RBSN: variants seen among roughly 807,000 people sequenced by gnomAD.
The protein encoded by RBSN is rabenosyn-5.
Under a neutral mutation model 60.5 loss-of-function variants are expected in RBSN, and 34 were observed. The ratio of observed to expected loss-of-function variants is 0.56; its 90% CI spans 0.43 to 0.75. The LOEUF is 0.75. RBSN is among the 30% of genes least tolerant of loss of function. The probability of loss-of-function intolerance (pLI) is 0.00; values close to 1 mark genes in which losing one functional copy is unlikely to be tolerated. For synonymous variants in RBSN, 322 were observed against 366.9 expected (o/e 0.88, Z 1.40); for missense variants, 845 against 986.8 (o/e 0.86, Z 1.92).
chr3:15,086,087 T>A, intron 5 of RBSN, 126 bp from the exon 6 acceptor site: 10 of 173,080 alleles, frequency 5.8e-5, no homozygotes, highest in East Asian at 9.5e-5. Flanking sequence ...ACCCCGTCTC[T>A]CTCCAAAAAA....
Position 15,077,093 on chromosome 3 carries a change from A to T in RBSN, c.1070T>A (p.Met357Lys). 1 of 1,614,172 alleles carries T rather than the reference A, an allele frequency of 6.2e-7. No individual in the cohort carries two copies. The highest frequency in any genetic ancestry group is 1.1e-5 in the South Asian group (1 of 91,082). ...PHPSNLRLQR[M>K]IRYSATLFVQ... ...AAAAAGTGTAGCTGAGTATCTGATC[A>T]TTCTCTGCAGCCGCAAATTGCTTGG... The change falls in exon 12 of 14, where the codon ATG (methionine) becomes AAG (lysine). Residue 357 changes from methionine to lysine, a missense_variant. Met to Lys is a moderately conservative substitution (Grantham distance 95). Transcript: ENST00000253699. This position sits in a 1 kb window ranked among gnomAD's most constrained non-coding sequence, Gnocchi z 4.4.
At chr3:15,083,869 C>T (rs140561249) in intron 8 of RBSN, among the ~76,000 whole-genome samples, 1 of 152,250 alleles carries the variant, frequency 6.6e-6, no homozygotes, top group Non-Finnish European at 1.5e-5. Context: ...GCAGAGCAGA[C>T]AAAGAGTTGG....
At chr3:15,086,757 G>C (rs1432435029) in intron 5 of RBSN, among the ~76,000 whole-genome samples, 2 of 152,070 alleles carry the variant, frequency 1.3e-5, no homozygotes, top group Non-Finnish European at 2.9e-5. Context: ...TCTCAAAATG[G>C]CCAAAAAAAT....
rs2043302424 is a variant in RBSN, at chr3:15,085,039, C to T, written c.397G>A (p.Ala133Thr). Residue 133 changes from alanine to threonine, a missense_variant, in exon 7 of 14, where the codon GCA becomes ACA. Ala to Thr is a moderately conservative substitution (Grantham distance 58). Coordinates refer to ENST00000253699, the MANE Select transcript of RBSN (RefSeq NM_022340.4). The part of the protein sequence containing the change: ...KLIIRLEKLT[A>T]FDRTNTESAK... The stretch of plus-strand genomic sequence containing the variant: ...GACTCAGTATTTGTTCTGTCAAATG[C>T]AGTGAGCTGACCGGAAGAAAATAGT... The T allele has an allele frequency of 6.2e-7, 1 of 1,614,216 alleles. No homozygotes were observed. The highest frequency in any genetic ancestry group is 8.5e-7 in the Non-Finnish European group (1 of 1,180,044).
intron 6 of RBSN, 140 bp downstream of exon 6, chr3:15,085,721 T>G (rs1026319372): frequency 1.4e-6 from 1 of 712,706 alleles, no homozygotes; most frequent in South Asian, 1.7e-5. Context: ...ACCATGTCCT[T>G]TGCACCTCTC....
chr3:15,088,901 T>C (rs1376804631), intron 5 of RBSN, among the ~76,000 whole-genome samples: 1 of 152,172 alleles, frequency 6.6e-6, no homozygotes, highest in Non-Finnish European at 1.5e-5. Flanking sequence ...AGGACTTTCC[T>C]TATTCAAAGA....
chr3:15,090,193 A>T (rs533773572), intron 5 of RBSN, among the ~76,000 whole-genome samples: 1 of 152,300 alleles, frequency 6.6e-6, no homozygotes, highest in South Asian at 2.1e-4. Context: ...GACCATGGGT[A>T]TAAGGCACTT....
In RBSN at chr3:15,095,485, G is replaced by A. The variant is rs765476671; in HGVS notation, c.148+488C>T. Among the ~76,000 whole-genome samples the A allele has an allele frequency of 5.3e-5, 8 of 152,246 alleles. No homozygotes were observed. In the East Asian group the frequency reaches 5.8e-4, roughly 11 times the overall value. On this transcript the variant is annotated intron_variant, in intron 4 of 13. Coordinates refer to ENST00000253699, the MANE Select transcript of RBSN (RefSeq NM_022340.4). The stretch of plus-strand genomic sequence containing the variant: ...AGGTTTTTAGGTTGTTTTGTTCTTC[G>A]ACTATGACCTTCCTTTTTCTGGGCT...
Position 15,084,694 on chromosome 3 carries a change from A to C in RBSN, c.598+41T>G. 1 of 1,531,976 alleles carries C rather than the reference A, an allele frequency of 6.5e-7. No homozygotes were observed. Among genetic ancestry groups the C allele is most frequent in the Non-Finnish European group, 8.8e-7 (1 of 1,141,202 alleles). 94.9% of individuals were successfully genotyped at this position (1,531,976 alleles called of 1,614,324 possible). A position where few individuals can be genotyped will look rare whatever the true frequency, so the allele number is the denominator to read the frequency against. On this transcript the variant is annotated intron_variant, in intron 8 of 13. Transcript: ENST00000253699. This position sits in a 1 kb window ranked among gnomAD's most constrained non-coding sequence, Gnocchi z 4.2. Reference sequence around the variant, plus strand: ...TAATTAGCAAATAAGCTAGGCCCAAAAGAAGATGAGGGTCCAGGGCCCCAC... The same window carrying C: ...TAATTAGCAAATAAGCTAGGCCCAACAGAAGATGAGGGTCCAGGGCCCCAC...
intron 5 of RBSN, among the ~76,000 whole-genome samples, chr3:15,086,404 G>A (rs1040619938): frequency 6.6e-6 from 1 of 152,236 alleles, no homozygotes; most frequent in Non-Finnish European, 1.5e-5. Context: ...AGTACCATAT[G>A]AGAGACCTGA....
At chr3:15,095,400 C>A (rs373168528) in intron 4 of RBSN, among the ~76,000 whole-genome samples, 1 of 152,112 alleles carries the variant, frequency 6.6e-6, no homozygotes, top group Non-Finnish European at 1.5e-5. Flanking sequence ...GTGAAAAGTA[C>A]CTTTGAAAAA....
chr3:15,083,176 G>A (rs1480597852), intron 8 of RBSN, among the ~76,000 whole-genome samples: 2 of 152,150 alleles, frequency 1.3e-5, no homozygotes, highest in Admixed American at 1.3e-4. Flanking sequence ...CACAGCAGCT[G>A]CCCAGTAAAT....
At chr3:15,094,756 T>C (rs1402647436) in intron 4 of RBSN, among the ~76,000 whole-genome samples, 1 of 152,210 alleles carries the variant, frequency 6.6e-6, no homozygotes, top group Non-Finnish European at 1.5e-5. Flanking sequence ...AGAAACTCTT[T>C]TTTACTGAAC....
chr3:15,090,201 C>T (rs931528639), intron 5 of RBSN, among the ~76,000 whole-genome samples, 198 bp downstream of exon 5: 7 of 152,176 alleles, frequency 4.6e-5, no homozygotes, highest in Non-Finnish European at 8.8e-5. Context: ...GTATAAGGCA[C>T]TTAATGTAGT....
chr3:15,096,981 T>G lies in RBSN; in HGVS notation c.-344-271A>C, dbSNP rs149841661. ...TTCAAGTGATCCTCCTGCCTCAGCC[T>G]CCTAAGAAGCTGGGACTACAGGAGT... On this transcript the variant is annotated intron_variant, in intron 2 of 13. Transcript: ENST00000253699. 6.4e-3 allele frequency among the ~76,000 whole-genome samples: 970 copies of G among 152,202 alleles called. 11 individuals are homozygous for G. The highest frequency in any genetic ancestry group is 7.1e-3 in the Non-Finnish European group (484 of 68,004).
Position 15,090,410 on chromosome 3 carries a change from G to A in RBSN, c.278C>T (p.Pro93Leu), listed in dbSNP as rs1227868113. Residue 93 changes from proline (P) to leucine (L), a missense_variant, in exon 5 of 14, where the codon CCC (proline) becomes CTC (leucine). Transcript: ENST00000253699. The stretch of plus-strand genomic sequence containing the variant: ...ATGAATTTTCTTACCAAGCTCCTGG[G>A]GTTCCCACATGTAAGGATCAACCCC... ...YGGVDPYMWE[P>L]QELGAVRSHL... is the part of the protein sequence containing the mutation. 6.2e-7 allele frequency: 1 copy of A among 1,612,874 alleles called. No individual in the cohort carries two copies. The highest frequency in any genetic ancestry group is 1.1e-5 in the South Asian group (1 of 90,726).
rs60849502 is a variant in RBSN, at chr3:15,070,097, T to TA, written c.*3684dup. 3 of 152,478 alleles carry TA rather than the reference T, an allele frequency of 2.0e-5. No individual in the cohort carries two copies. The highest frequency in any genetic ancestry group is 2.9e-5 in the Non-Finnish European group (2 of 68,000). 9.4% of individuals were successfully genotyped at this position (152,478 alleles called of 1,614,324 possible). A position where few individuals can be genotyped will look rare whatever the true frequency, so the allele number is the denominator to read the frequency against. ...CCTCTATCTCAGATTTTATTTTTTT[T>TA]AAAAAAGGCTCCAATACAAGGCCCC... On this transcript the variant is annotated 3_prime_UTR_variant, in exon 14 of 14. Coordinates refer to ENST00000253699, the MANE Select transcript of RBSN (RefSeq NM_022340.4).
rs749926336 is a variant in RBSN at position 15,098,183 on chromosome 3, C to T, written c.-409G>A. The T allele has an allele frequency of 6.6e-6, 1 of 152,176 alleles. No homozygotes were observed. Among genetic ancestry groups the T allele is most frequent in the African/African-American group, 2.4e-5 (1 of 41,402 alleles). The allele number at this position is 152,176 out of a possible 1,614,324, so 9.4% of individuals were successfully genotyped here. A position where few individuals can be genotyped will look rare whatever the true frequency, so the allele number is the denominator to read the frequency against. On this transcript the variant is annotated 5_prime_UTR_variant, in exon 2 of 14. Transcript: ENST00000253699. ...CTCAATTTATAACCGCAGGTACATA[C>T]GTGAAGTGACCAAGTAAGACTGTAA...
chr3:15,081,028 T>C, intron 9 of RBSN: 1 of 510,344 alleles, frequency 2.0e-6, no homozygotes, highest in East Asian at 3.3e-5. Flanking sequence ...TTTTGTTTTT[T>C]TTTGAGAAGG....
Sources: gnomAD v4.1 joint callset for allele counts (sites outside exome capture counted in the v4.1 genomes callset) on GRCh38, gnomAD v4.1.1 for gene constraint, Gnocchi (gnomAD v3.1) non-coding constraint, MANE v1.5 for transcripts, NCBI Gene and HGNC (gene_info 2026-07-23, HGNC 2026-07-21) for gene names.